Variants in RNF213 observed in about 807,000 individuals in gnomAD.
The protein encoded by RNF213 is E3 ubiquitin-protein ligase RNF213.
A neutral mutation model predicts 514.4 loss-of-function variants in RNF213; 341 were observed. The ratio of observed to expected loss-of-function variants is 0.66; its 90% CI spans 0.61 to 0.73. The LOEUF (loss-of-function observed/expected upper bound fraction) is 0.73, where lower values mean the gene tolerates loss of function less well. Among genes scored for constraint, RNF213 ranks in the 30% least tolerant of loss-of-function variants. The pLI is 0.00. For synonymous variants in RNF213, 2,655 were observed against 2,658.2 expected (o/e 1.00, Z 0.04); for missense variants, 5,767 against 6,615.6 (o/e 0.87, Z 4.45).
intron 50 of RNF213, 103 bp from the exon 51 acceptor site, chr17:80,375,657 C>T (rs573118215): frequency 1.3e-6 from 1 of 798,594 alleles, no homozygotes; most frequent in African/African-American, 1.7e-5. Context: ...GAGCCGAGAT[C>T]ATGCCACTGC....
Position 80,306,120 on chromosome 17 carries a change from G to A in RNF213, c.2211-132G>A, listed in dbSNP as rs145827743. ...TTGGGATTCAGGTGTGAGCCACCAC[G>A]CCTGCCCTCAAGTAGTATTTAAATC... On this transcript the variant is annotated intron_variant, in intron 11 of 67. Transcript: ENST00000582970. 4 of 862,178 alleles carry A rather than the reference G, an allele frequency of 4.6e-6. No homozygotes were observed. The African/African-American group carries it at 5.0e-5, about 11-fold the overall frequency. 53.4% of individuals were successfully genotyped at this position (862,178 alleles called of 1,614,324 possible).
At chr17:80,360,504 G>T in intron 38 of RNF213, 1 of 419,632 alleles carries the variant, frequency 2.4e-6, no homozygotes. Context: ...GGTGTGTTCT[G>T]GCAAGAGGAG....
chr17:80,361,261 T>TG (rs1437807548), intron 38 of RNF213, among the ~76,000 whole-genome samples: 2 of 152,204 alleles, frequency 1.3e-5, no homozygotes, highest in African/African-American at 4.8e-5. Context: ...CCAGGCGCAG[T>TG]GGTTCACAAC....
chr17:80,386,301 C>A lies in RNF213; in HGVS notation c.14591C>A (p.Thr4864Asn), dbSNP rs564933704. 6.2e-7 allele frequency: 1 copy of A among 1,613,532 alleles called. No homozygotes were observed. Among genetic ancestry groups the A allele is most frequent in the Non-Finnish European group, 8.5e-7 (1 of 1,180,026 alleles). ...DYCSTDLDLDTEFEILLPRRR... is the reference protein window; with the variant it reads ...DYCSTDLDLDNEFEILLPRRR... ...TGCAGCACTGACTTGGATCTGGACA[C>A]TGAGTTTGAGATCCTCTTGCCACGC... Residue 4864 changes from threonine (T) to asparagine (N), a missense_variant, in exon 62 of 68, where the codon ACT becomes AAT. Around this residue, in one of 13 missense-constraint regions of RNF213, gnomAD observed 1,245 missense variants for 1,339.0 expected, o/e 0.93. Transcript: ENST00000582970.
chr17:80,313,705 T>TGGA (rs1555652401), intron 15 of RNF213, among the ~76,000 whole-genome samples: 3 of 141,378 alleles, frequency 2.1e-5, no homozygotes, highest in Admixed American at 7.0e-5. Flanking sequence ...AAGGGGATGG[T>TGGA]GGTGATGGAG....
In RNF213 at chr17:80,332,248, G is replaced by A. The variant is rs1255765176; in HGVS notation, c.3760G>A (p.Ala1254Thr). ...TGAGCCTAAGGAGGACCAGGAAGCC[G>A]CAGAGTTGCTGAGTGAGCCCGAAGA... ...LSEPKEDQEA[A>T]ELLSEPEEES... Residue 1254 changes from alanine to threonine, a missense_variant, in exon 21 of 68, where the codon GCA (alanine) becomes ACA (threonine). By Grantham distance (58) the Ala-to-Thr change is moderately conservative (BLOSUM62 0). Coordinates refer to ENST00000582970, the MANE Select transcript of RNF213 (RefSeq NM_001256071.3). The A allele has an allele frequency of 1.6e-5, 25 of 1,537,098 alleles. No individual in the cohort carries two copies. The highest frequency in any genetic ancestry group is 3.9e-5 in the Admixed American group (2 of 50,974).
chr17:80,287,590 C>T (rs372001577), intron 3 of RNF213, among the ~76,000 whole-genome samples: 36 of 152,336 alleles, frequency 2.4e-4, no homozygotes, highest in East Asian at 1.3e-3. Context: ...GTGACCGTGC[C>T]GAGTGTGGCG....
intron 2 of RNF213, among the ~76,000 whole-genome samples, chr17:80,269,785 C>CCTAT (rs1243270862): frequency 6.6e-6 from 1 of 152,194 alleles, no homozygotes; most frequent in Admixed American, 6.5e-5. Flanking sequence ...CATGTATCTA[C>CCTAT]CTATCTACCT....
At position 80,343,967 on chromosome 17, in the gene RNF213, A is replaced by T; in HGVS notation, c.6294A>T (p.Glu2098Asp). The change falls in exon 28 of 68, where the codon GAA becomes GAT. Residue 2098 changes from glutamate to aspartate, a missense_variant. Transcript: ENST00000582970. The surrounding 1 kb of genome is among the most constrained non-coding windows in gnomAD (Gnocchi z 4.3). ...LRNPCHLYIV[E>D]ILERRTSVPS... ...ACCCCTGCCATTTGTATATCGTTGA[A>T]ATCCTGGAAAGGAGGACGTCAGTGC... 1 of 1,614,236 alleles carries T rather than the reference A, an allele frequency of 6.2e-7. No homozygotes were observed. Among genetic ancestry groups the T allele is most frequent in the Non-Finnish European group, 8.5e-7 (1 of 1,180,044 alleles).
chr17:80,323,836 G>GGT (rs1555656951), intron 17 of RNF213, among the ~76,000 whole-genome samples: 3 of 91,828 alleles, frequency 3.3e-5, no homozygotes, highest in African/African-American at 9.6e-5. Context: ...CTTTTTTTTG[G>GGT]GGGGGGGTGC....
chr17:80,378,657 G>A (rs966578715), intron 54 of RNF213, among the ~76,000 whole-genome samples: 1 of 152,106 alleles, frequency 6.6e-6, no homozygotes, highest in Non-Finnish European at 1.5e-5. Flanking sequence ...GATACGGAGG[G>A]AGAAAAACTG....
rs771937435 is a variant in RNF213 at position 80,358,390 on chromosome 17, A to G, written c.10965A>G (p.Pro3655=). 2.7e-5 allele frequency: 44 copies of G among 1,613,856 alleles called. No individual in the cohort carries two copies. Among genetic ancestry groups the G allele is most frequent in the Non-Finnish European group, 3.6e-5 (43 of 1,179,858 alleles). Residue 3655 remains proline (P), a synonymous_variant, in exon 37 of 68, where the codon CCA becomes CCG. Transcript: ENST00000582970. Reference sequence around the variant, plus strand: ...GCAACCTAGAGTTACTGACCAGGCCAGATACTCCGCCCTGGGCAAGAGATC... The same window carrying G: ...GCAACCTAGAGTTACTGACCAGGCCGGATACTCCGCCCTGGGCAAGAGATC... The part of the protein sequence containing the change: ...RDGNLELLTR[P]DTPPWARDLW...
At chr17:80,356,946 T>A (rs2078850246) in intron 36 of RNF213, among the ~76,000 whole-genome samples, 1 of 146,230 alleles carries the variant, frequency 6.8e-6, no homozygotes, top group African/African-American at 2.6e-5. Flanking sequence ...CGAGACAGAG[T>A]CTCACTCTCG....
At chr17:80,261,241 T>C (rs1190682026) in intron 1 of RNF213, among the ~76,000 whole-genome samples, 1 of 150,160 alleles carries the variant, frequency 6.7e-6, no homozygotes, top group South Asian at 2.1e-4. Flanking sequence ...GCACGGGGGG[T>C]GTAGTGGAAG....
At position 80,345,216 on chromosome 17, in the gene RNF213, T is replaced by C; in HGVS notation, c.6881T>C (p.Leu2294Pro). 1 of 1,614,072 alleles carries C rather than the reference T, an allele frequency of 6.2e-7. No individual in the cohort carries two copies. Among genetic ancestry groups the C allele is most frequent in the African/African-American group, 1.3e-5 (1 of 75,026 alleles). The change falls in exon 29 of 68, where the codon CTC becomes CCC. Residue 2294 changes from leucine (L) to proline (P), a missense_variant. Physicochemically the swap from Leu to Pro is moderately conservative, Grantham distance 98. Coordinates refer to ENST00000582970, the MANE Select transcript of RNF213 (RefSeq NM_001256071.3). This position sits in a 1 kb window ranked among gnomAD's most constrained non-coding sequence, Gnocchi z 6.0. ...VREEDLAPFS[L>P]RKRWESEPHP... is the part of the protein sequence containing the mutation. ...GAAGAAGATCTAGCGCCCTTCTCCCTCCGGAAGAGGTGGGAGTCGGAGCCT... is the reference window on the plus strand; with the variant it reads ...GAAGAAGATCTAGCGCCCTTCTCCCCCCGGAAGAGGTGGGAGTCGGAGCCT...
chr17:80,361,410 C>T (rs1319330103), intron 38 of RNF213, among the ~76,000 whole-genome samples: 1 of 152,152 alleles, frequency 6.6e-6, no homozygotes, highest in African/African-American at 2.4e-5. Flanking sequence ...GTCCCAGCTA[C>T]TTGGTAGGCT....
At chr17:80,278,055 C>T (rs9896523) in intron 3 of RNF213, among the ~76,000 whole-genome samples, 6 of 152,110 alleles carry the variant, frequency 3.9e-5, no homozygotes, top group East Asian at 1.9e-4. Flanking sequence ...GTCCTTTGTG[C>T]ATTCTTCCTC....
In RNF213 at chr17:80,395,738, T is replaced by TG. The variant is rs1318107173; in HGVS notation, c.*2242dup. On this transcript the variant is annotated 3_prime_UTR_variant, in exon 68 of 68. Transcript: ENST00000582970. ...AACCCTTCCAGGAGCCCACTGACGT[T>TG]GGAGTGCTAAAAATGCCCCTTCAGG... 2.0e-5 allele frequency: 3 copies of TG among 152,224 alleles called. No individual in the cohort carries two copies. Among genetic ancestry groups the TG allele is most frequent in the Non-Finnish European group, 4.4e-5 (3 of 68,042 alleles). 9.4% of individuals were successfully genotyped at this position (152,224 alleles called of 1,614,324 possible).
Position 80,346,856 on chromosome 17 carries a change from G to T in RNF213, c.8521G>T (p.Val2841Leu). ...GGACCTGCAGCAGTACGTCTCTGTG[G>T]TGGTGTTAGATGAGGTGGGGCTGGC... ...GKDLQQYVSV[V>L]VLDEVGLAED... The change falls in exon 29 of 68, where the codon GTG (valine) becomes TTG (leucine). Residue 2841 changes from valine (V) to leucine (L), a missense_variant. Coordinates refer to ENST00000582970, the MANE Select transcript of RNF213 (RefSeq NM_001256071.3). The surrounding 1 kb of genome is among the most constrained non-coding windows in gnomAD (Gnocchi z 8.1). The T allele has an allele frequency of 6.2e-7, 1 of 1,614,150 alleles. No individual in the cohort carries two copies. Among genetic ancestry groups the T allele is most frequent in the East Asian group, 2.2e-5 (1 of 44,880 alleles).
Sources: gnomAD v4.1 joint callset for allele counts (sites outside exome capture counted in the v4.1 genomes callset) on GRCh38, gnomAD v4.1.1 for gene constraint, gnomAD v4.1.1 regional missense constraint, Gnocchi (gnomAD v3.1) non-coding constraint, MANE v1.5 for transcripts, NCBI Gene and HGNC (gene_info 2026-07-23, HGNC 2026-07-21) for gene names.